The following MGMT variants were observed in gnomAD, a reference collection of about 807,000 sequenced individuals.
MGMT encodes methylated-DNA--protein-cysteine methyltransferase.
Under a neutral mutation model 15.9 loss-of-function variants are expected in MGMT, and 14 were observed. The observed-to-expected ratio is 0.88, with a 90% CI of 0.58 to 1.37. The LOEUF (loss-of-function observed/expected upper bound fraction) is 1.37, where lower values mean the gene tolerates loss of function less well. MGMT is among the 40% of genes most tolerant of loss of function. MGMT has a pLI of 0.00. For synonymous variants in MGMT, 130 were observed against 118.2 expected, an observed-to-expected ratio of 1.10 and a Z score of -0.65; for missense variants, 282 against 268.1, an observed-to-expected ratio of 1.05 and a Z score of -0.36.
chr10:129,606,512 G>A (rs981049383), intron 2 of MGMT, among the ~76,000 whole-genome samples: 11 of 152,304 alleles, frequency 7.2e-5, no homozygotes, highest in Admixed American at 4.6e-4. Flanking sequence ...CTCCGCACCC[G>A]GCGCTAGGCA....
chr10:129,580,955 C>G (rs1285733993), intron 2 of MGMT, among the ~76,000 whole-genome samples: 1 of 152,252 alleles, frequency 6.6e-6, no homozygotes, highest in Non-Finnish European at 1.5e-5. Flanking sequence ...CAGCCGCTGT[C>G]TGGTCCCACT....
At position 129,534,799 on chromosome 10, in the gene MGMT, A is replaced by G. The variant is rs1845967858; in HGVS notation, c.-12-1442A>G. ...CAGACCTGCTTCATTGTGGGAACAGAGCAGGAAGGTGCCAGTGAGCTGCCC... is the reference window on the plus strand; with the variant it reads ...CAGACCTGCTTCATTGTGGGAACAGGGCAGGAAGGTGCCAGTGAGCTGCCC... On this transcript the variant is annotated intron_variant, in intron 1 of 4. Transcript: ENST00000651593. Among the ~76,000 whole-genome samples the G allele has an allele frequency of 3.3e-5, 5 of 151,798 alleles. No individual in the cohort carries two copies. The South Asian group carries it at 8.4e-4, about 25-fold the overall frequency.
chr10:129,695,444 T>G (rs1848019063), intron 2 of MGMT, among the ~76,000 whole-genome samples: 3 of 152,234 alleles, frequency 2.0e-5, no homozygotes, highest in Non-Finnish European at 4.4e-5. Flanking sequence ...GTATACAAGT[T>G]AATGGGACCG....
At chr10:129,605,885 A>ATTTT (rs570779181) in intron 2 of MGMT, among the ~76,000 whole-genome samples, 3,759 of 147,508 alleles carry the variant, frequency 0.025, 69 homozygotes, top group South Asian at 0.062. Flanking sequence ...AAGAACGGTG[A>ATTTT]TTTTTTTTTT....
chr10:129,571,875 A>T (rs1322941481), intron 2 of MGMT, among the ~76,000 whole-genome samples: 1 of 152,238 alleles, frequency 6.6e-6, no homozygotes, highest in African/African-American at 2.4e-5. Flanking sequence ...AATACAATAT[A>T]AATTAACCTC....
chr10:129,735,237 C>A (rs1170350745), intron 3 of MGMT, among the ~76,000 whole-genome samples: 5 of 152,118 alleles, frequency 3.3e-5, no homozygotes, highest in Non-Finnish European at 7.4e-5. Context: ...ACAATTTCAG[C>A]TCCTGTTATT....
At chr10:129,547,390 C>CAA (rs1463735015) in intron 2 of MGMT, among the ~76,000 whole-genome samples, 2 of 152,126 alleles carry the variant, frequency 1.3e-5, no homozygotes, top group African/African-American at 4.8e-5. Flanking sequence ...CCATCTGATC[C>CAA]ACATGCACAA....
At chr10:129,724,825 G>A (rs980810099) in intron 3 of MGMT, among the ~76,000 whole-genome samples, 2 of 152,184 alleles carry the variant, frequency 1.3e-5, no homozygotes, top group Admixed American at 6.5e-5. Context: ...GAGGAAAATA[G>A]TAAATATTAT....
At chr10:129,755,453 C>T (rs555539883) in intron 3 of MGMT, among the ~76,000 whole-genome samples, 4 of 152,350 alleles carry the variant, frequency 2.6e-5, no homozygotes, top group Admixed American at 6.5e-5. Context: ...CAAGCATGAC[C>T]CGGCAGGTAG....
chr10:129,472,066 CCTT>C (rs1326931944), intron 1 of MGMT, among the ~76,000 whole-genome samples: 3 of 152,208 alleles, frequency 2.0e-5, no homozygotes, highest in Non-Finnish European at 4.4e-5. Flanking sequence ...ATATTTCACC[CCTT>C]CTTTCCTTTT....
intron 1 of MGMT, among the ~76,000 whole-genome samples, chr10:129,500,031 T>G (rs187745971): frequency 6.6e-6 from 1 of 152,366 alleles, no homozygotes; most frequent in Non-Finnish European, 1.5e-5. Flanking sequence ...ATTAATAGGT[T>G]AGGTGTTTCC....
intron 1 of MGMT, among the ~76,000 whole-genome samples, chr10:129,498,459 G>A (rs1389818643): frequency 6.6e-6 from 1 of 152,102 alleles, no homozygotes; most frequent in Non-Finnish European, 1.5e-5. Flanking sequence ...TTTACCAACG[G>A]GAACTGTTCT....
At chr10:129,645,445 G>A (rs1847377127) in intron 2 of MGMT, among the ~76,000 whole-genome samples, 1 of 152,154 alleles carries the variant, frequency 6.6e-6, no homozygotes, top group Non-Finnish European at 1.5e-5. Context: ...TGGCAGGGTG[G>A]CTGGCAGCCT....
chr10:129,621,652 T>C (rs892417904), intron 2 of MGMT, among the ~76,000 whole-genome samples: 9 of 152,228 alleles, frequency 5.9e-5, no homozygotes, highest in African/African-American at 2.2e-4. Flanking sequence ...TGTTAAGAAG[T>C]GGTTGAATTT....
intron 2 of MGMT, among the ~76,000 whole-genome samples, chr10:129,672,496 A>G (rs550511905): frequency 6.6e-6 from 1 of 152,248 alleles, no homozygotes; most frequent in African/African-American, 2.4e-5. Flanking sequence ...ACTTCCCTGT[A>G]TCTTCTAAAT....
In MGMT at chr10:129,566,863, G is replaced by T. The variant is rs1399612276; in HGVS notation, c.125+30486G>T. ...CCCCCGTGGCGAACAGAGGCTCTAA[G>T]AGAGGGGTCTTTGTTTTGGGGCAGT... On this transcript the variant is annotated intron_variant, in intron 2 of 4. Coordinates refer to ENST00000651593, the MANE Select transcript of MGMT (RefSeq NM_002412.5). The surrounding 1 kb of genome is among the most constrained non-coding windows in gnomAD (Gnocchi z 4.1). Among the ~76,000 whole-genome samples the T allele has an allele frequency of 6.6e-6, 1 of 152,154 alleles. No homozygotes were observed.
intron 2 of MGMT, among the ~76,000 whole-genome samples, chr10:129,668,305 C>A (rs986436037): frequency 6.6e-6 from 1 of 151,776 alleles, no homozygotes; most frequent in Non-Finnish European, 1.5e-5. Context: ...AAAGAATAAC[C>A]TTTAGAAGTA....
intron 2 of MGMT, among the ~76,000 whole-genome samples, chr10:129,643,025 G>A (rs1387942867): frequency 6.6e-6 from 1 of 152,240 alleles, no homozygotes; most frequent in Non-Finnish European, 1.5e-5. Flanking sequence ...GAGCGAATGT[G>A]TAGTGGTTTC....
intron 2 of MGMT, among the ~76,000 whole-genome samples, chr10:129,618,053 A>G (rs528742995): frequency 6.6e-6 from 1 of 152,188 alleles, no homozygotes; most frequent in African/African-American, 2.4e-5. Flanking sequence ...CTTGGCCTGG[A>G]GGCATCTCTG....
Sources: gnomAD v4.1 joint callset for allele counts (sites outside exome capture counted in the v4.1 genomes callset) on GRCh38, gnomAD v4.1.1 for gene constraint, Gnocchi (gnomAD v3.1) non-coding constraint, MANE v1.5 for transcripts, NCBI Gene and HGNC (gene_info 2026-07-23, HGNC 2026-07-21) for gene names.